The following FAM107B variants were observed in gnomAD, a reference collection of about 807,000 sequenced individuals.
FAM107B encodes the protein family with sequence similarity 107 member B.
Under a neutral mutation model 31.5 loss-of-function variants are expected in FAM107B, and 21 were observed. The ratio of observed to expected loss-of-function variants is 0.67; its 90% confidence interval spans 0.47 to 0.96. The LOEUF is 0.96. Ranked by LOEUF, FAM107B falls within the 40% of genes least tolerant of loss-of-function variation. FAM107B has a pLI of 0.00. For synonymous variants in FAM107B, 157 were observed against 141.5 expected (o/e 1.11, Z -0.78); for missense variants, 452 against 377.1 (o/e 1.20, Z -1.64).
chr10:14,528,949 T>C (rs1846635882), intron 3 of FAM107B, among the ~76,000 whole-genome samples: 1 of 152,200 alleles, frequency 6.6e-6, no homozygotes. Flanking sequence ...AAGAAAAAAT[T>C]TGAGCTAAAA....
At chr10:14,624,530 G>A (rs1235005531) in intron 2 of FAM107B, among the ~76,000 whole-genome samples, 1 of 152,026 alleles carries the variant, frequency 6.6e-6, no homozygotes, top group Admixed American at 6.6e-5. Context: ...TAGCTACTCG[G>A]GAGGCTGAGG....
intron 1 of FAM107B, among the ~76,000 whole-genome samples, chr10:14,757,313 T>C (rs1480403451): frequency 6.7e-6 from 1 of 148,666 alleles, no homozygotes; most frequent in Admixed American, 6.7e-5. Context: ...ATATTTTTGC[T>C]GACTGAAAAA....
At chr10:14,705,300 C>T (rs1033340042) in intron 1 of FAM107B, among the ~76,000 whole-genome samples, 1 of 152,254 alleles carries the variant, frequency 6.6e-6, no homozygotes, top group African/African-American at 2.4e-5. Context: ...GAAAACAGTA[C>T]TCATTCCTAA....
At chr10:14,711,217 T>C (rs748664740) in intron 1 of FAM107B, among the ~76,000 whole-genome samples, 5 of 152,138 alleles carry the variant, frequency 3.3e-5, no homozygotes, top group Non-Finnish European at 7.4e-5. Context: ...GGCCATAAAA[T>C]TTTTTTAATA....
At chr10:14,543,995 A>G (rs766766324) in intron 2 of FAM107B, among the ~76,000 whole-genome samples, 2 of 152,140 alleles carry the variant, frequency 1.3e-5, no homozygotes, top group Non-Finnish European at 2.9e-5. Context: ...ACTTCTTTAC[A>G]TGAAGCCTAC....
chr10:14,750,454 A>G (rs1337202067), intron 1 of FAM107B, among the ~76,000 whole-genome samples: 1 of 152,156 alleles, frequency 6.6e-6, no homozygotes, highest in Admixed American at 6.5e-5. Context: ...TCTATTAAAA[A>G]TACAAAAATT....
intron 2 of FAM107B, among the ~76,000 whole-genome samples, chr10:14,639,760 G>C (rs1354721660): frequency 6.6e-6 from 1 of 152,012 alleles, no homozygotes; most frequent in African/African-American, 2.4e-5. Context: ...TACTCTTCCA[G>C]CCTCATCTCC....
chr10:14,646,192 T>TA (rs1853748664), intron 2 of FAM107B, among the ~76,000 whole-genome samples: 1 of 152,248 alleles, frequency 6.6e-6, no homozygotes, highest in Non-Finnish European at 1.5e-5. Context: ...AAAAATGTTT[T>TA]TTTTATTTCA....
chr10:14,631,554 C>T (rs913956982), intron 2 of FAM107B, among the ~76,000 whole-genome samples: 1 of 152,150 alleles, frequency 6.6e-6, no homozygotes, highest in Non-Finnish European at 1.5e-5. Context: ...CATTTTCCTG[C>T]CTGATTGATT....
At chr10:14,565,599 G>A (rs1850594224) in intron 2 of FAM107B, among the ~76,000 whole-genome samples, 1 of 152,206 alleles carries the variant, frequency 6.6e-6, no homozygotes, top group Non-Finnish European at 1.5e-5. Context: ...GACTATAAAG[G>A]ATGCACTGAC....
chr10:14,733,789 A>C (rs543608577), intron 1 of FAM107B, among the ~76,000 whole-genome samples: 106 of 152,110 alleles, frequency 7.0e-4, no homozygotes, highest in Non-Finnish European at 1.4e-3. Context: ...CTCAAGTCCA[A>C]CTCTGTCTGA....
chr10:14,611,837 T>C (rs1302667460), intron 2 of FAM107B, among the ~76,000 whole-genome samples: 1 of 151,896 alleles, frequency 6.6e-6, no homozygotes, highest in East Asian at 1.9e-4. Flanking sequence ...TAAAAATATA[T>C]ATGCATAAAT....
chr10:14,749,932 C>A (rs12255581), intron 1 of FAM107B, among the ~76,000 whole-genome samples: 9,357 of 152,226 alleles, frequency 0.061, 767 homozygotes, highest in African/African-American at 0.18. Context: ...TAGGTCTAAT[C>A]CCACCTGGGA....
chr10:14,770,285 G>A (rs1231195600), intron 1 of FAM107B, among the ~76,000 whole-genome samples: 1 of 152,178 alleles, frequency 6.6e-6, no homozygotes, highest in Non-Finnish European at 1.5e-5. Flanking sequence ...AGCACTTCGG[G>A]AGGCCAAGGC....
chr10:14,647,549 T>C (rs1564613235), intron 2 of FAM107B, among the ~76,000 whole-genome samples: 1 of 151,788 alleles, frequency 6.6e-6, no homozygotes, highest in African/African-American at 2.4e-5. Context: ...CCAGGCATGG[T>C]GGTGGGTGAC....
chr10:14,732,626 T>C (rs376017010), intron 1 of FAM107B, among the ~76,000 whole-genome samples: 34 of 151,964 alleles, frequency 2.2e-4, no homozygotes, highest in African/African-American at 8.2e-4. Flanking sequence ...TATATTGTAA[T>C]TGACATAGTT....
At chr10:14,766,476 C>A (rs552802549) in intron 1 of FAM107B, among the ~76,000 whole-genome samples, 1 of 152,150 alleles carries the variant, frequency 6.6e-6, no homozygotes, top group South Asian at 2.1e-4. Flanking sequence ...TTCCAGTTTC[C>A]TTGTCAGGTA....
At chr10:14,736,831 C>T (rs972940946) in intron 1 of FAM107B, among the ~76,000 whole-genome samples, 1 of 152,164 alleles carries the variant, frequency 6.6e-6, no homozygotes, top group African/African-American at 2.4e-5. Flanking sequence ...TCAATGACTG[C>T]AATGTGAAAT....
intron 1 of FAM107B, among the ~76,000 whole-genome samples, chr10:14,731,865 T>C (rs568678141): frequency 3.3e-5 from 5 of 152,328 alleles, no homozygotes; most frequent in Admixed American, 3.3e-4. Context: ...TCTAGGTTTA[T>C]GGGAGTACAC....
Sources: gnomAD v4.1 joint callset for allele counts (sites outside exome capture counted in the v4.1 genomes callset) on GRCh38, gnomAD v4.1.1 for gene constraint, MANE v1.5 for transcripts, NCBI Gene and HGNC (gene_info 2026-07-23, HGNC 2026-07-21) for gene names.